Variants in UBN2 observed in about 807,000 individuals in gnomAD.
The protein encoded by UBN2 is ubinuclein 2.
UBN2 carries 35 observed loss-of-function variants against 120.2 expected under a neutral mutation model. The ratio of observed to expected loss-of-function variants is 0.29; its 90% CI spans 0.22 to 0.39. UBN2 has a LOEUF of 0.39. UBN2 is among the 10% of genes least tolerant of loss of function. UBN2 has a pLI of 1.00. For missense variants in UBN2, 1,693 were observed against 1,663.2 expected (o/e 1.02, Z -0.31); for synonymous variants, 661 against 648.7 (o/e 1.02, Z -0.29).
At chr7:139,277,712 G>A (rs1354061050) in intron 12 of UBN2, 4 of 152,092 alleles carry the variant, frequency 2.6e-5, no homozygotes, top group African/African-American at 7.2e-5. Context: ...ATGTACATAC[G>A]TATATGTTTG....
chr7:139,240,524 A>T (rs1320173130), intron 2 of UBN2, among the ~76,000 whole-genome samples: 1 of 150,888 alleles, frequency 6.6e-6, no homozygotes, highest in Non-Finnish European at 1.5e-5. Flanking sequence ...CTGAGAGAAG[A>T]TACATTGTCC....
chr7:139,246,434 A>G (rs992624810), intron 2 of UBN2, among the ~76,000 whole-genome samples: 1 of 152,232 alleles, frequency 6.6e-6, no homozygotes, highest in Non-Finnish European at 1.5e-5. Context: ...AACAAAGGCC[A>G]GCATTCTAGT....
In UBN2 at chr7:139,292,048, C is replaced by T. The variant is rs137942794; in HGVS notation, c.3670-1184C>T. Among the ~76,000 whole-genome samples the T allele has an allele frequency of 5.1e-3, 782 of 152,082 alleles. 4 individuals carry two copies. The highest frequency in any genetic ancestry group is 8.1e-3 in the Non-Finnish European group (549 of 67,982). ...AGGAGATGGTTTGAGCCCAGAAGTT[C>T]GAGCCTAGCCTGGGCAACATGGTGA... On this transcript the variant is annotated intron_variant, in intron 15 of 17. Coordinates refer to ENST00000473989, the MANE Select transcript of UBN2 (RefSeq NM_173569.4).
Position 139,284,052 on chromosome 7 carries a change from T to C in UBN2, c.3147T>C (p.Pro1049=). The change falls in exon 15 of 18, where the codon CCT becomes CCC. Residue 1049 remains proline (P), a synonymous_variant. Transcript: ENST00000473989. Reference sequence around the variant, plus strand: ...CATCTCCCAAGCCTGCCACATCTCCTAAACCCCTGCCCTCGCCTAAGCCTT... The same window carrying C: ...CATCTCCCAAGCCTGCCACATCTCCCAAACCCCTGCCCTCGCCTAAGCCTT... ...LAASPKPATS[P]KPLPSPKPSA... 6.2e-7 allele frequency: 1 copy of C among 1,614,058 alleles called. No homozygotes were observed. Among genetic ancestry groups the C allele is most frequent in the Non-Finnish European group, 8.5e-7 (1 of 1,179,998 alleles).
intron 1 of UBN2, among the ~76,000 whole-genome samples, chr7:139,235,085 C>G (rs980151923): frequency 6.6e-6 from 1 of 151,994 alleles, no homozygotes; most frequent in Non-Finnish European, 1.5e-5. Context: ...AAGAGCTGTA[C>G]TTTTGATACC....
chr7:139,326,148 T>G, the UBN2 span, among the ~76,000 whole-genome samples: 2 of 152,106 alleles, frequency 1.3e-5, no homozygotes, highest in Non-Finnish European at 1.5e-5. Flanking sequence ...CCCAGTTACT[T>G]GGGAGGCTGA....
At chr7:139,251,826 T>C in intron 2 of UBN2, 130 bp from the exon 3 acceptor site, 1 of 699,392 alleles carries the variant, frequency 1.4e-6, no homozygotes, top group Non-Finnish European at 2.5e-6. Flanking sequence ...ATTCAAGGTG[T>C]GGGAGGACTT....
In UBN2 at chr7:139,298,045, G is replaced by C; in HGVS notation, c.*209G>C. The C allele has an allele frequency of 1.8e-6, 1 of 562,452 alleles. No homozygotes were observed. Among genetic ancestry groups the C allele is most frequent in the South Asian group, 2.3e-5 (1 of 42,792 alleles). The allele number at this position is 562,452 out of a possible 1,614,324, so 34.8% of individuals were successfully genotyped here. On this transcript the variant is annotated 3_prime_UTR_variant, in exon 18 of 18. Transcript: ENST00000473989. ...AGAAATGCTTTTGTGCAAAGTTAGT[G>C]ACCTTTGGTCTCTTCTAAAGAATGA...
At chr7:139,271,545 C>T (rs1797274105) in intron 8 of UBN2, among the ~76,000 whole-genome samples, 1 of 150,078 alleles carries the variant, frequency 6.7e-6, no homozygotes, top group African/African-American at 2.5e-5. Context: ...AAGATGGTGC[C>T]ACTGCACTCC....
rs755065207 is a variant in UBN2, at chr7:139,283,522, C to T, written c.2617C>T (p.Pro873Ser). 2 of 1,614,172 alleles carry T rather than the reference C, an allele frequency of 1.2e-6. No homozygotes were observed. The highest frequency in any genetic ancestry group is 3.3e-5 in the Admixed American group (2 of 60,014). The part of the protein sequence containing the change: ...QNPKVSLEPL[P>S]ARLLQQGLQR... ...CCCTAAAGTTTCTTTAGAACCTTTG[C>T]CAGCCAGGCTACTTCAACAAGGACT... Residue 873 changes from proline (P) to serine (S), a missense_variant, in exon 15 of 18, where the codon CCA becomes TCA. By Grantham distance (74) the Pro-to-Ser change is moderately conservative. This residue lies in a region of UBN2 where 837 missense variants were observed against 817.6 expected (regional missense o/e 1.02). Coordinates refer to ENST00000473989, the MANE Select transcript of UBN2 (RefSeq NM_173569.4).
At chr7:139,265,544 G>A (rs1471122351) in intron 6 of UBN2, among the ~76,000 whole-genome samples, 2 of 152,166 alleles carry the variant, frequency 1.3e-5, no homozygotes, top group Non-Finnish European at 2.9e-5. Context: ...TGGAATCTGC[G>A]AATGTTATTT....
intron 13 of UBN2, among the ~76,000 whole-genome samples, chr7:139,281,541 GCTAT>G (rs761617210): frequency 1.2e-4 from 18 of 151,916 alleles, no homozygotes; most frequent in Admixed American, 3.9e-4. Flanking sequence ...TATCCAATCA[GCTAT>G]CTATTTATTT....
chr7:139,284,502 T>A lies in UBN2; in HGVS notation c.3597T>A (p.Ala1199=). The A allele has an allele frequency of 6.2e-7, 1 of 1,614,168 alleles. No individual in the cohort carries two copies. Among genetic ancestry groups the A allele is most frequent in the Non-Finnish European group, 8.5e-7 (1 of 1,180,028 alleles). Residue 1199 remains alanine (A), a synonymous_variant, in exon 15 of 18, where the codon GCT becomes GCA. Transcript: ENST00000473989. ...SGGTGSGTQG[A]TKPLSTPHRP... ...GAACAGGAAGTGGAACACAGGGTGC[T>A]ACCAAACCATTGTCTACTCCACATA...
In UBN2 at chr7:139,302,647, T is replaced by G. The variant is rs188002066; in HGVS notation, c.*4811T>G. ...TTGCAGTGAGCTGAGATCGCGCCAC[T>G]GCACTCCAGCCTGGGCGACAGAGCA... is the stretch of plus-strand genomic sequence containing the variant. On this transcript the variant is annotated 3_prime_UTR_variant, in exon 18 of 18. Transcript: ENST00000473989. The G allele has an allele frequency of 1.3e-5, 2 of 152,358 alleles. No individual in the cohort carries two copies. The highest frequency in any genetic ancestry group is 4.8e-5 in the African/African-American group (2 of 41,574). 9.4% of individuals were successfully genotyped at this position (152,358 alleles called of 1,614,324 possible).
intron 3 of UBN2, among the ~76,000 whole-genome samples, chr7:139,256,891 T>A (rs1189828740): frequency 6.6e-6 from 1 of 152,212 alleles, no homozygotes; most frequent in Non-Finnish European, 1.5e-5. Flanking sequence ...ACCTCTTCAT[T>A]TTTCCATTCT....
chr7:139,240,707 T>C (rs771391599), intron 2 of UBN2, among the ~76,000 whole-genome samples: 1 of 152,034 alleles, frequency 6.6e-6, no homozygotes, highest in African/African-American at 2.4e-5. Flanking sequence ...ATTTATGGGG[T>C]TCCCCCCTCC....
Position 139,283,418 on chromosome 7 carries a change from G to A in UBN2, c.2513G>A (p.Gly838Glu), listed in dbSNP as rs1235424987. Reference sequence around the variant, plus strand: ...TCAAGTCTTATTGCTGGTCACACAGGGCCAGTACCAAAGAAACCCCAGGAT... The same window carrying A: ...TCAAGTCTTATTGCTGGTCACACAGAGCCAGTACCAAAGAAACCCCAGGAT... ...HSSSLIAGHT[G>E]PVPKKPQDLA... The change falls in exon 15 of 18, where the codon GGG becomes GAG. Residue 838 changes from glycine (G) to glutamate (E), a missense_variant. Gly to Glu is a moderately conservative substitution (Grantham distance 98). Coordinates refer to ENST00000473989, the MANE Select transcript of UBN2 (RefSeq NM_173569.4). 1.9e-6 allele frequency: 3 copies of A among 1,613,786 alleles called. No individual in the cohort carries two copies. Among genetic ancestry groups the A allele is most frequent in the Admixed American group, 1.7e-5 (1 of 59,952 alleles).
At chr7:139,251,849 G>A (rs1163373390) in intron 2 of UBN2, 107 bp from the exon 3 acceptor site, 2 of 943,296 alleles carry the variant, frequency 2.1e-6, no homozygotes, top group Non-Finnish European at 3.4e-6. Context: ...ACCTCCTGGA[G>A]AGGGGGACTA....
At chr7:139,323,962 A>C in the UBN2 span, among the ~76,000 whole-genome samples, 1 of 152,140 alleles carries the variant, frequency 6.6e-6, no homozygotes, top group Admixed American at 6.6e-5. Flanking sequence ...GGCCTCTGCC[A>C]TCAACAGGGG....
Sources: allele counts gnomAD v4.1 joint callset (sites outside exome capture counted in the v4.1 genomes callset), GRCh38; gene constraint gnomAD v4.1.1; regional missense constraint gnomAD v4.1.1; transcripts MANE v1.5; gene names NCBI Gene and HGNC (gene_info 2026-07-23, HGNC 2026-07-21).